The following DAPK3 variants were observed in gnomAD, a reference collection of about 807,000 sequenced individuals.
DAPK3 encodes the protein death associated protein kinase 3, also known as death-associated protein kinase 3.
In DAPK3, 24 loss-of-function variants were observed where a neutral mutation model predicts 30.6. The ratio of observed to expected loss-of-function variants is 0.78; its 90% CI spans 0.57 to 1.10. The LOEUF is 1.10. Ranked by LOEUF, DAPK3 falls within the 50% of genes least tolerant of loss-of-function variation. The pLI is 0.00. For missense variants in DAPK3, 629 were observed against 657.3 expected, an observed-to-expected ratio of 0.96 and a Z score of 0.47; for synonymous variants, 341 against 284.0, an observed-to-expected ratio of 1.20 and a Z score of -2.02.
rs1257441134 is a variant in DAPK3 at position 3,959,099 on chromosome 19, G to A, written c.*2C>T. 3 of 1,523,818 alleles carry A rather than the reference G, an allele frequency of 2.0e-6. No individual in the cohort carries two copies. Among genetic ancestry groups the A allele is most frequent in the Non-Finnish European group, 2.6e-6 (3 of 1,137,826 alleles). The allele number at this position is 1,523,818 out of a possible 1,614,324, so 94.4% of individuals were successfully genotyped here. A position where few individuals can be genotyped will look rare whatever the true frequency, so the allele number is the denominator to read the frequency against. On this transcript the variant is annotated 3_prime_UTR_variant, in exon 9 of 9. Transcript: ENST00000545797. The stretch of plus-strand genomic sequence containing the variant: ...CCTGGGGCCTGGCCCACCCCACTGC[G>A]CCTAGCGCAGCCCGCACTCCACGCC...
rs1196866145 is a variant in DAPK3, at chr19:3,964,671, T to C, written c.383A>G (p.His128Arg). 3 of 1,610,328 alleles carry C rather than the reference T, an allele frequency of 1.9e-6. No homozygotes were observed. The highest frequency in any genetic ancestry group is 1.4e-5 in the African/African-American group (1 of 73,836). ...TGCGATGCGCTTAGAGTGCAGGTAG[T>C]GAACGCCGTCCAGGATCTGCTTGAG... ...QFLKQILDGV[H>R]YLHSKRIAHF... Residue 128 changes from histidine to arginine, a missense_variant, in exon 3 of 9, where the codon CAC (histidine) becomes CGC (arginine). This residue lies in a region of DAPK3 where 306 missense variants were observed against 378.5 expected (regional missense o/e 0.81). Coordinates refer to ENST00000545797, the MANE Select transcript of DAPK3 (RefSeq NM_001348.3).
Position 3,959,423 on chromosome 19 carries a change from AGCCGCCG to A in DAPK3, c.1036_1042del (p.Arg346SerfsTer80). Reference sequence around the variant, plus strand: ...CAGCGCCTCCACGTCCTCGTGGCAGAGCCGCCGGCTGCGCTGCAGCTCGCGCAGGCCC... The same window carrying A: ...CAGCGCCTCCACGTCCTCGTGGCAGAGCTGCGCTGCAGCTCGCGCAGGCCC... On this transcript the variant is annotated frameshift_variant, in exon 9 of 9. Transcript: ENST00000545797. LOFTEE classifies it low-confidence loss of function (END_TRUNC). 1 of 1,554,978 alleles carries A rather than the reference AGCCGCCG, an allele frequency of 6.4e-7. No individual in the cohort carries two copies. The highest frequency in any genetic ancestry group is 8.6e-7 in the Non-Finnish European group (1 of 1,157,236).
Position 3,961,164 on chromosome 19 carries a change from G to C in DAPK3, c.630-3C>G. 1 of 1,610,454 alleles carries C rather than the reference G, an allele frequency of 6.2e-7. No individual in the cohort carries two copies. The highest frequency in any genetic ancestry group is 8.5e-7 in the Non-Finnish European group (1 of 1,178,778). On this transcript the variant is annotated splice_region_variant and splice_polypyrimidine_tract_variant and intron_variant, in intron 6 of 8. Transcript: ENST00000545797. ...GGAACGGGGATGCACCGCTCAGGCT[G>C]CGAGACAGGCGTGGGGGCTCAGTGG...
At position 3,959,367 on chromosome 19, in the gene DAPK3, A is replaced by T. The variant is rs776930359; in HGVS notation, c.1099T>A (p.Tyr367Asn). 1.1e-5 allele frequency: 18 copies of T among 1,582,202 alleles called. No homozygotes were observed. The highest frequency in any genetic ancestry group is 1.5e-5 in the Non-Finnish European group (18 of 1,171,888). The change falls in exon 9 of 9, where the codon TAC becomes AAC. Residue 367 changes from tyrosine (Y) to asparagine (N), a missense_variant. Coordinates refer to ENST00000545797, the MANE Select transcript of DAPK3 (RefSeq NM_001348.3). ...CCCAGGCTGTCGCTCTCCTCGCGGT[A>T]CCAGGCCTCCTTCTCCTCGTAGATG... ...AAIYEEKEAWYREESDSLGQD... is the reference protein window; with the variant it reads ...AAIYEEKEAWNREESDSLGQD...
intron 6 of DAPK3, among the ~76,000 whole-genome samples, chr19:3,962,474 A>C (rs936982798): frequency 2.6e-5 from 4 of 152,142 alleles, no homozygotes; most frequent in African/African-American, 9.7e-5. Context: ...CACCTCTACA[A>C]AAACTTTTAA....
intron 6 of DAPK3, 191 bp from the exon 7 acceptor site, chr19:3,961,352 AC>A (rs939832624): frequency 2.9e-5 from 20 of 698,570 alleles, no homozygotes; most frequent in East Asian, 5.5e-5. Flanking sequence ...TTCAAAATCC[AC>A]CCCCCCACCC....
chr19:3,964,967 C>A lies in DAPK3; in HGVS notation c.87G>T (p.Lys29Asn). ...LGSGQFAIVR[K>N]CRQKGTGKEY... Reference sequence around the variant, plus strand: ...CCTTGCCCGTGCCCTTCTGCCGGCACTTCCGCACGATCGCAAACTGGCCGC... The same window carrying A: ...CCTTGCCCGTGCCCTTCTGCCGGCAATTCCGCACGATCGCAAACTGGCCGC... Residue 29 changes from lysine to asparagine, a missense_variant, in exon 3 of 9, where the codon AAG becomes AAT. Around this residue, in one of 2 missense-constraint regions of DAPK3, gnomAD observed 306 missense variants for 378.5 expected, o/e 0.81. Coordinates refer to ENST00000545797, the MANE Select transcript of DAPK3 (RefSeq NM_001348.3). 1 of 1,608,268 alleles carries A rather than the reference C, an allele frequency of 6.2e-7. No homozygotes were observed. The highest frequency in any genetic ancestry group is 8.5e-7 in the Non-Finnish European group (1 of 1,176,642).
intron 6 of DAPK3, 77 bp from the exon 7 acceptor site, chr19:3,961,238 C>CA: frequency 1.6e-6 from 2 of 1,229,396 alleles, no homozygotes; most frequent in Non-Finnish European, 2.3e-6. Flanking sequence ...CTGCCCACGA[C>CA]AGGCGGAGCA....
intron 6 of DAPK3, 62 bp downstream of exon 6, chr19:3,963,581 C>T (rs2039541722): frequency 3.6e-6 from 4 of 1,117,990 alleles, no homozygotes; most frequent in South Asian, 1.5e-5. Context: ...ATGAGACACA[C>T]GGAGCCGGGG....
At chr19:3,959,952 A>C (rs753139301) in intron 8 of DAPK3, 107 bp downstream of exon 8, 1 of 790,170 alleles carries the variant, frequency 1.3e-6, no homozygotes, top group East Asian at 2.5e-5. Context: ...CTCCCCAGCC[A>C]CTGGGGGTTG....
At position 3,965,020 on chromosome 19, in the gene DAPK3, G is replaced by A. The variant is rs374786003; in HGVS notation, c.63-29C>T. On this transcript the variant is annotated intron_variant, in intron 2 of 8. Coordinates refer to ENST00000545797, the MANE Select transcript of DAPK3 (RefSeq NM_001348.3). ...GAGGAGGGGGAGGGAGTGAGTGGGG[G>A]TGGAGGAGGCGGAGGGAGTAAGTGG... 4.3e-5 allele frequency: 58 copies of A among 1,362,246 alleles called. No homozygotes were observed. In the African/African-American group the frequency reaches 6.4e-4, roughly 15 times the overall value. 84.4% of individuals were successfully genotyped at this position (1,362,246 alleles called of 1,614,324 possible).
At chr19:3,961,220 C>T in intron 6 of DAPK3, 59 bp from the exon 7 acceptor site, 2 of 1,449,662 alleles carry the variant, frequency 1.4e-6, no homozygotes, top group South Asian at 1.2e-5. Context: ...GCCGCGCCGC[C>T]TCTCCGGCTG....
At chr19:3,964,589 C>G (rs753626175) in intron 3 of DAPK3, 42 bp downstream of exon 3, 6 of 1,562,904 alleles carry the variant, frequency 3.8e-6, no homozygotes, top group African/African-American at 2.7e-5. Context: ...TCCCCACCCC[C>G]ACACTGGCCA....
At position 3,959,151 on chromosome 19, in the gene DAPK3, G is replaced by T. The variant is rs554401220; in HGVS notation, c.1315C>A (p.Arg439Ser). ...TGCAGCTTCTCCTGCTCCAGGGCGCGCACGAGGTCCTGCACGAAGCGCATC... is the reference window on the plus strand; with the variant it reads ...TGCAGCTTCTCCTGCTCCAGGGCGCTCACGAGGTCCTGCACGAAGCGCATC... ...SEMRFVQDLV[R>S]ALEQEKLQGV... is the part of the protein sequence containing the mutation. Residue 439 changes from arginine to serine, a missense_variant, in exon 9 of 9, where the codon CGC (arginine) becomes AGC (serine). By Grantham distance (110) the Arg-to-Ser change is moderately radical (BLOSUM62 -1). Transcript: ENST00000545797. 1.3e-6 allele frequency: 2 copies of T among 1,586,196 alleles called. No individual in the cohort carries two copies. Among genetic ancestry groups the T allele is most frequent in the Non-Finnish European group, 8.5e-7 (1 of 1,170,822 alleles).
Position 3,971,043 on chromosome 19 carries a change from G to GGCCGGC in DAPK3, c.-223_-218dup, listed in dbSNP as rs542605585. 9.5e-4 allele frequency: 146 copies of GGCCGGC among 153,892 alleles called. 1 individual carries two copies. The East Asian group carries it at 0.025, about 26-fold the overall frequency. 9.5% of individuals were successfully genotyped at this position (153,892 alleles called of 1,614,324 possible). The stretch of plus-strand genomic sequence containing the variant: ...TTACCCTCCGCAGCCCGGAGAATAC[G>GGCCGGC]GCCGGCGCCGCCGCGCTGGCCACCG... On this transcript the variant is annotated 5_prime_UTR_variant, in exon 1 of 9. Transcript: ENST00000545797.
At chr19:3,962,383 T>C (rs141515584) in intron 6 of DAPK3, among the ~76,000 whole-genome samples, 165 of 152,360 alleles carry the variant, frequency 1.1e-3, no homozygotes, top group African/African-American at 3.8e-3. Flanking sequence ...TACAGCGGGC[T>C]GGGCCCACGC....
chr19:3,959,016 C>T lies in DAPK3; in HGVS notation c.*85G>A, dbSNP rs1270021964. The T allele has an allele frequency of 1.1e-6, 1 of 877,844 alleles. No individual in the cohort carries two copies. Among genetic ancestry groups the T allele is most frequent in the Non-Finnish European group, 1.7e-6 (1 of 597,904 alleles). 54.4% of individuals were successfully genotyped at this position (877,844 alleles called of 1,614,324 possible). ...CGCTGGGCAAGGACAGGCACCCGGG[C>T]GATGGGAGGCGCAGCGTCCACAGGA... On this transcript the variant is annotated 3_prime_UTR_variant, in exon 9 of 9. Transcript: ENST00000545797.
At chr19:3,969,953 G>C in intron 1 of DAPK3, 124 bp from the exon 2 acceptor site, 1 of 567,408 alleles carries the variant, frequency 1.8e-6, no homozygotes, top group South Asian at 2.3e-5. Flanking sequence ...CTCCAAACTC[G>C]ACAAAAAGAG....
At position 3,963,510 on chromosome 19, in the gene DAPK3, CCCGGTATCCCCTGAGTA is replaced by C. The variant is rs1372955345; in HGVS notation, c.629+116_629+132del. ...CCACAGAGAATCACTCATCCGTTCACCCGGTATCCCCTGAGTACCCGCGATGGGTCACAGCCAGGCTG... is the reference window on the plus strand; with the variant it reads ...CCACAGAGAATCACTCATCCGTTCACCCCGCGATGGGTCACAGCCAGGCTG... On this transcript the variant is annotated intron_variant, in intron 6 of 8. Coordinates refer to ENST00000545797, the MANE Select transcript of DAPK3 (RefSeq NM_001348.3). 5.3e-6 allele frequency: 3 copies of C among 563,212 alleles called. No individual in the cohort carries two copies. The African/African-American group carries it at 5.8e-5, about 11-fold the overall frequency. The allele number at this position is 563,212 out of a possible 1,614,324, so 34.9% of individuals were successfully genotyped here.
Sources: allele counts gnomAD v4.1 joint callset (sites outside exome capture counted in the v4.1 genomes callset), GRCh38; gene constraint gnomAD v4.1.1; regional missense constraint gnomAD v4.1.1; transcripts MANE v1.5; gene names NCBI Gene and HGNC (gene_info 2026-07-23, HGNC 2026-07-21).